The following SEC31B variants were observed in gnomAD, a reference collection of about 807,000 sequenced individuals.
SEC31B encodes SEC31 homolog B, COPII component, also known as protein transport protein Sec31B.
SEC31B carries 113 observed loss-of-function variants against 135.0 expected under a neutral mutation model. The ratio of observed to expected loss-of-function variants is 0.84; its 90% CI spans 0.72 to 0.98. The LOEUF (loss-of-function observed/expected upper bound fraction) is 0.98, where lower values mean the gene tolerates loss of function less well. Among genes scored for constraint, SEC31B ranks in the 50% least tolerant of loss-of-function variants. The pLI is 0.00. For missense variants in SEC31B, 1,296 were observed against 1,421.1 expected (o/e 0.91, Z 1.42); for synonymous variants, 508 against 549.4 (o/e 0.92, Z 1.05).
intron 11 of SEC31B, among the ~76,000 whole-genome samples, chr10:100,500,321 CTTTTT>C (rs113438366): frequency 1.4e-5 from 2 of 143,990 alleles, no homozygotes; most frequent in Non-Finnish European, 3.1e-5. Context: ...TGTTTCTTTT[CTTTTT>C]TTTTTTTAGA....
chr10:100,508,869 G>A, intron 5 of SEC31B, 138 bp downstream of exon 5: 4 of 674,786 alleles, frequency 5.9e-6, no homozygotes, highest in South Asian at 3.7e-5. Flanking sequence ...CTGGTAGCAT[G>A]TTAGTCTGTG....
At chr10:100,493,354 C>G (rs542912228) in intron 19 of SEC31B, among the ~76,000 whole-genome samples, 4 of 146,128 alleles carry the variant, frequency 2.7e-5, no homozygotes, top group Non-Finnish European at 5.9e-5. Flanking sequence ...GCCTGGGCAA[C>G]AAAGCAAGAC....
intron 24 of SEC31B, 23 bp from the exon 25 acceptor site, chr10:100,488,121 C>T: frequency 6.2e-7 from 1 of 1,607,550 alleles, no homozygotes. Context: ...AAATGGATTC[C>T]AACCCCAGCC....
intron 19 of SEC31B, among the ~76,000 whole-genome samples, chr10:100,493,766 A>C (rs1437088718): frequency 6.6e-6 from 1 of 152,162 alleles, no homozygotes; most frequent in Non-Finnish European, 1.5e-5. Context: ...ACTGGTGGAG[A>C]CTGAATCTGA....
intron 18 of SEC31B, 61 bp from the exon 19 acceptor site, chr10:100,495,607 G>T (rs1223752853): frequency 2.6e-6 from 4 of 1,535,984 alleles, no homozygotes; most frequent in Non-Finnish European, 3.5e-6. Flanking sequence ...GCCCCAGGTA[G>T]CAGTCAAATT....
At chr10:100,506,564 G>T (rs938159531) in intron 7 of SEC31B, 144 bp from the exon 8 acceptor site, 14 of 706,294 alleles carry the variant, frequency 2.0e-5, no homozygotes, top group Non-Finnish European at 3.2e-5. Context: ...TCTTACAAAT[G>T]AATAAAATGA....
chr10:100,512,354 G>A (rs1408778748), intron 3 of SEC31B, among the ~76,000 whole-genome samples: 1 of 152,162 alleles, frequency 6.6e-6, no homozygotes, highest in South Asian at 2.1e-4. Context: ...CTCAGTCGAT[G>A]ATATAAACAG....
chr10:100,499,683 G>C, intron 11 of SEC31B, 85 bp from the exon 12 acceptor site: 1 of 961,088 alleles, frequency 1.0e-6, no homozygotes, highest in Non-Finnish European at 1.6e-6. Flanking sequence ...ATCTGTGCCA[G>C]TATACCCAAT....
At chr10:100,491,722 T>C (rs1164480007) in intron 19 of SEC31B, among the ~76,000 whole-genome samples, 2 of 152,248 alleles carry the variant, frequency 1.3e-5, no homozygotes, top group African/African-American at 4.8e-5. Flanking sequence ...CAAGGTGTTA[T>C]GGTCTGAATA....
At chr10:100,489,820 T>C in intron 21 of SEC31B, 59 bp from the exon 22 acceptor site, 1 of 1,611,740 alleles carries the variant, frequency 6.2e-7, no homozygotes, top group Non-Finnish European at 8.5e-7. Context: ...GGAAGTTTTT[T>C]ATCTGAAGGC....
At chr10:100,519,575 T>A (rs897596579) in intron 1 of SEC31B, among the ~76,000 whole-genome samples, 1 of 152,160 alleles carries the variant, frequency 6.6e-6, no homozygotes, top group Non-Finnish European at 1.5e-5. Flanking sequence ...GGGGTTCCCG[T>A]GCGGCAGGGA....
rs1851542189 is a variant in SEC31B at position 100,502,490 on chromosome 10, G to A, written c.1180-6C>T. ...GTAACCAGCTTCCCTCCAAACTGGT[G>A]AGGAAAAGCAAGAAGGGTAAAGGTT... On this transcript the variant is annotated splice_region_variant and splice_polypyrimidine_tract_variant and intron_variant, in intron 10 of 25. Coordinates refer to ENST00000370345, the MANE Select transcript of SEC31B (RefSeq NM_015490.4). 2 of 1,602,380 alleles carry A rather than the reference G, an allele frequency of 1.2e-6. No individual in the cohort carries two copies. Among genetic ancestry groups the A allele is most frequent in the Non-Finnish European group, 8.5e-7 (1 of 1,171,316 alleles).
rs556010208 is a variant in SEC31B at position 100,506,297 on chromosome 10, A to G, written c.882+24T>C. On this transcript the variant is annotated intron_variant, in intron 8 of 25. Transcript: ENST00000370345. ...TCTACCCTCTCTCTCCCATCCCAGC[A>G]TGCCCACAGAAGGGCCAGCCTACCT... 95 of 1,614,120 alleles carry G rather than the reference A, an allele frequency of 5.9e-5. 1 individual carries two copies. The South Asian group carries it at 1.0e-3, about 17-fold the overall frequency.
chr10:100,499,202 T>C lies in SEC31B; in HGVS notation c.1542A>G (p.Gly514=). The C allele has an allele frequency of 6.2e-7, 1 of 1,614,006 alleles. No individual in the cohort carries two copies. The highest frequency in any genetic ancestry group is 8.5e-7 in the Non-Finnish European group (1 of 1,179,988). The change falls in exon 13 of 26, where the codon GGA becomes GGG. Residue 514 remains glycine (G), a synonymous_variant. Coordinates refer to ENST00000370345, the MANE Select transcript of SEC31B (RefSeq NM_015490.4). The part of the protein sequence containing the change: ...VGLGESPQPK[G]NDLNSDRQQA... ...GTTGTCTGTCACTGTTGAGGTCATT[T>C]CCCTTGGGCTGAGGACTCTCACCTA...
intron 5 of SEC31B, chr10:100,508,565 C>T (rs1204245349): frequency 4.3e-6 from 2 of 461,452 alleles, no homozygotes; most frequent in Non-Finnish European, 8.6e-6. Flanking sequence ...AGACCAGACC[C>T]CCAACTGCAT....
At chr10:100,508,538 A>G (rs1048181741) in intron 5 of SEC31B, 4 of 463,920 alleles carry the variant, frequency 8.6e-6, no homozygotes, top group Non-Finnish European at 8.6e-6. Flanking sequence ...ATTGACAGAC[A>G]GCCTCTCCAA....
intron 3 of SEC31B, among the ~76,000 whole-genome samples, chr10:100,510,888 A>C (rs1029689890): frequency 6.6e-6 from 1 of 152,266 alleles, no homozygotes; most frequent in African/African-American, 2.4e-5. Flanking sequence ...TACAGGCTGA[A>C]GAGGCTGCCA....
At chr10:100,507,216 G>C (rs1487759234) in intron 7 of SEC31B, among the ~76,000 whole-genome samples, 1 of 152,166 alleles carries the variant, frequency 6.6e-6, no homozygotes, top group Non-Finnish European at 1.5e-5. Context: ...AATTTAGATG[G>C]AATCTCAGCC....
At position 100,490,125 on chromosome 10, in the gene SEC31B, T is replaced by C; in HGVS notation, c.2848A>G (p.Met950Val). The change falls in exon 21 of 26, where the codon ATG becomes GTG. Residue 950 changes from methionine (M) to valine (V), a missense_variant. Met to Val is a conservative substitution (Grantham distance 21). Coordinates refer to ENST00000370345, the MANE Select transcript of SEC31B (RefSeq NM_015490.4). ...GGAGGGGCTGGGGTGTGGGAGACCATGCGGCCGGGACCTAGTGGTCTCAGA... is the reference window on the plus strand; with the variant it reads ...GGAGGGGCTGGGGTGTGGGAGACCACGCGGCCGGGACCTAGTGGTCTCAGA... ...LPLRPLGPGR[M>V]VSHTPAPPAS... is the part of the protein sequence containing the mutation. 1 of 1,589,798 alleles carries C rather than the reference T, an allele frequency of 6.3e-7. No homozygotes were observed. Among genetic ancestry groups the C allele is most frequent in the African/African-American group, 1.3e-5 (1 of 74,314 alleles).
Sources: allele counts gnomAD v4.1 joint callset (sites outside exome capture counted in the v4.1 genomes callset), GRCh38; gene constraint gnomAD v4.1.1; transcripts MANE v1.5; gene names NCBI Gene and HGNC (gene_info 2026-07-23, HGNC 2026-07-21).